SEC24C: variants seen among roughly 807,000 people sequenced by gnomAD.
The protein encoded by SEC24C is protein transport protein Sec24C.
SEC24C carries 22 observed loss-of-function variants against 117.0 expected under a neutral mutation model. The observed-to-expected ratio is 0.19, with a 90% CI of 0.13 to 0.27. SEC24C has a LOEUF of 0.27. Among genes scored for constraint, SEC24C ranks in the 10% least tolerant of loss-of-function variants. The pLI is 1.00. For synonymous variants in SEC24C, 506 were observed against 529.4 expected (o/e 0.96, Z 0.61); for missense variants, 1,155 against 1,375.1 (o/e 0.84, Z 2.53).
intron 3 of SEC24C, among the ~76,000 whole-genome samples, chr10:73,759,382 G>C (rs372585612): frequency 2.2e-4 from 34 of 152,342 alleles, no homozygotes; most frequent in African/African-American, 7.5e-4. Context: ...AATAGTACTT[G>C]ACCTGAAGGT....
chr10:73,766,400 A>G lies in SEC24C; in HGVS notation c.1658A>G (p.Asn553Ser), dbSNP rs745678671. 6.2e-7 allele frequency: 1 copy of G among 1,613,910 alleles called. No individual in the cohort carries two copies. Among genetic ancestry groups the G allele is most frequent in the Admixed American group, 1.7e-5 (1 of 59,984 alleles). ...SAIRVGFVTYNKVLHFYNVKS... is the reference protein window; with the variant it reads ...SAIRVGFVTYSKVLHFYNVKS... ...ATCCGCGTTGGCTTTGTCACCTACAATAAGGTGCTCCACTTCTATAATGTG... is the reference window on the plus strand; with the variant it reads ...ATCCGCGTTGGCTTTGTCACCTACAGTAAGGTGCTCCACTTCTATAATGTG... The change falls in exon 12 of 23, where the codon AAT (asparagine) becomes AGT (serine). Residue 553 changes from asparagine (N) to serine (S), a missense_variant. By Grantham distance (46) the Asn-to-Ser change is conservative (BLOSUM62 1). Transcript: ENST00000345254.
chr10:73,767,816 C>T (rs777998467), intron 14 of SEC24C, 21 bp from the exon 15 acceptor site: 3 of 1,573,394 alleles, frequency 1.9e-6, no homozygotes, highest in Non-Finnish European at 2.6e-6. Flanking sequence ...ATTTTCTTCT[C>T]CCCATTTTCT....
rs182419297 is a variant in SEC24C, at chr10:73,759,810, C to T, written c.481+16C>T. 179 of 1,551,802 alleles carry T rather than the reference C, an allele frequency of 1.2e-4. 1 individual carries two copies. The African/African-American group carries it at 1.8e-3, about 16-fold the overall frequency. ...CTGGGCTTTGGTGAGTGGCTGTGAA[C>T]ACAGGAATGTTACTGTCCCCTGTTC... On this transcript the variant is annotated intron_variant, in intron 4 of 22. Coordinates refer to ENST00000345254, the MANE Select transcript of SEC24C (RefSeq NM_198597.3).
In SEC24C at chr10:73,760,026, A is replaced by G. The variant is rs763599396; in HGVS notation, c.490A>G (p.Thr164Ala). The G allele has an allele frequency of 3.2e-6, 5 of 1,579,440 alleles. No individual in the cohort carries two copies. The highest frequency in any genetic ancestry group is 1.8e-5 in the Admixed American group (1 of 55,162). The stretch of plus-strand genomic sequence containing the variant: ...TTTATTCTACTTCTCAGGCCCACCA[A>G]CATCGCTGGCTTCAGCCTCAGGAAG... ...PSSGLGFGPP[T>A]SLASASGSFP... Residue 164 changes from threonine to alanine, a missense_variant, in exon 5 of 23, where the codon ACA (threonine) becomes GCA (alanine). This residue lies in a region of SEC24C where 396 missense variants were observed against 382.8 expected (regional missense o/e 1.03). Transcript: ENST00000345254.
intron 3 of SEC24C, among the ~76,000 whole-genome samples, chr10:73,757,194 A>G (rs1386678923): frequency 2.4e-4 from 35 of 144,946 alleles, no homozygotes; most frequent in Non-Finnish European, 4.6e-5. Flanking sequence ...GATTACAGGC[A>G]TGAGCCACTG....
chr10:73,752,278 C>T (rs201399489), intron 3 of SEC24C, among the ~76,000 whole-genome samples: 2 of 152,082 alleles, frequency 1.3e-5, no homozygotes, highest in East Asian at 1.9e-4. Context: ...TGCGCCACCA[C>T]ACCCAGCTAA....
intron 6 of SEC24C, among the ~76,000 whole-genome samples, chr10:73,761,799 T>A (rs956876347): frequency 3.3e-5 from 5 of 152,054 alleles, no homozygotes; most frequent in Non-Finnish European, 5.9e-5. Context: ...ACACTCCTCT[T>A]CTTCTTCCTT....
intron 3 of SEC24C, among the ~76,000 whole-genome samples, chr10:73,758,677 C>G (rs2082749578): frequency 6.6e-6 from 1 of 152,192 alleles, no homozygotes; most frequent in South Asian, 2.1e-4. Context: ...TATTTTATAA[C>G]TGACTTCTTT....
rs2082773479 is a variant in SEC24C at position 73,760,102 on chromosome 10, C to T, written c.566C>T (p.Pro189Leu). 1.2e-6 allele frequency: 2 copies of T among 1,614,094 alleles called. No individual in the cohort carries two copies. The highest frequency in any genetic ancestry group is 4.5e-5 in the East Asian group (2 of 44,892). The change falls in exon 5 of 23, where the codon CCC becomes CTC. Residue 189 changes from proline to leucine, a missense_variant. Coordinates refer to ENST00000345254, the MANE Select transcript of SEC24C (RefSeq NM_198597.3). ...YGSYPQGQAP[P>L]LSQAQGHPGI... is the part of the protein sequence containing the mutation. ...TCCTATCCTCAGGGCCAGGCTCCTC[C>T]CCTTAGCCAGGCCCAAGGTCATCCT...
intron 6 of SEC24C, among the ~76,000 whole-genome samples, chr10:73,762,638 G>C (rs1286947501): frequency 1.3e-5 from 2 of 152,242 alleles, no homozygotes; most frequent in Non-Finnish European, 2.9e-5. Context: ...GTTTGGGAAA[G>C]TGTGGGTGCT....
At position 73,767,103 on chromosome 10, in the gene SEC24C, T is replaced by C. The variant is rs765750861; in HGVS notation, c.1943T>C (p.Ile648Thr). Residue 648 changes from isoleucine (I) to threonine (T), a missense_variant, in exon 14 of 23, where the codon ATT (isoleucine) becomes ACT (threonine). Physicochemically the swap from Ile to Thr is moderately conservative, Grantham distance 89. This residue lies in a region of SEC24C where 759 missense variants were observed against 992.3 expected (regional missense o/e 0.76). Coordinates refer to ENST00000345254, the MANE Select transcript of SEC24C (RefSeq NM_198597.3). ...KLFLFHTSLPIAEAPGKLKNR... is the reference protein window; with the variant it reads ...KLFLFHTSLPTAEAPGKLKNR... ...TTTCTATTCCATACATCCCTGCCCATTGCAGAGGCCCCAGGGAAACTGAAG... is the reference window on the plus strand; with the variant it reads ...TTTCTATTCCATACATCCCTGCCCACTGCAGAGGCCCCAGGGAAACTGAAG... 2 of 1,614,068 alleles carry C rather than the reference T, an allele frequency of 1.2e-6. No individual in the cohort carries two copies. Among genetic ancestry groups the C allele is most frequent in the Non-Finnish European group, 1.7e-6 (2 of 1,179,980 alleles).
rs1307809038 is a variant in SEC24C at position 73,766,477 on chromosome 10, A to G, written c.1735A>G (p.Met579Val). 4.3e-6 allele frequency: 7 copies of G among 1,613,830 alleles called. No homozygotes were observed. The highest frequency in any genetic ancestry group is 1.3e-5 in the African/African-American group (1 of 74,920). ...GATGGTTGTGTCTGATGTGGCTGACATGTTTGTGCCACTGCTGGATGGCTT... is the reference window on the plus strand; with the variant it reads ...GATGGTTGTGTCTGATGTGGCTGACGTGTTTGTGCCACTGCTGGATGGCTT... ...QMMVVSDVAD[M>V]FVPLLDGFLV... Residue 579 changes from methionine to valine, a missense_variant, in exon 12 of 23, where the codon ATG (methionine) becomes GTG (valine). Transcript: ENST00000345254.
Position 73,770,274 on chromosome 10 carries a change from G to A in SEC24C, c.2863-6G>A. 12 of 1,596,214 alleles carry A rather than the reference G, an allele frequency of 7.5e-6. No individual in the cohort carries two copies. The highest frequency in any genetic ancestry group is 1.0e-5 in the Non-Finnish European group (12 of 1,170,498). On this transcript the variant is annotated splice_polypyrimidine_tract_variant and splice_region_variant and intron_variant, in intron 20 of 22. Transcript: ENST00000345254. ...GGTAACCTTTTGCTCCCTTCCTTTT[G>A]TCTAGACAAAGTCTCCCGTTGAGAG...
chr10:73,762,304 C>A, intron 6 of SEC24C: 1 of 499,366 alleles, frequency 2.0e-6, no homozygotes, highest in Non-Finnish European at 3.4e-6. Flanking sequence ...CTTCTAGATA[C>A]TCACTTATAC....
At chr10:73,748,486 A>C (rs2082594978) in intron 2 of SEC24C, among the ~76,000 whole-genome samples, 1 of 152,112 alleles carries the variant, frequency 6.6e-6, no homozygotes. Flanking sequence ...CCCAGGCTGG[A>C]GTGCAATGGC....
intron 6 of SEC24C, among the ~76,000 whole-genome samples, chr10:73,761,634 G>A (rs1004563251): frequency 6.6e-6 from 1 of 152,144 alleles, no homozygotes; most frequent in Non-Finnish European, 1.5e-5. Context: ...AACACAGTGA[G>A]GGAGCCTGTT....
chr10:73,761,530 C>G (rs2082796358), intron 6 of SEC24C, among the ~76,000 whole-genome samples: 1 of 152,164 alleles, frequency 6.6e-6, no homozygotes, highest in African/African-American at 2.4e-5. Flanking sequence ...CTTTATAGTT[C>G]CACCTGTAAC....
In SEC24C at chr10:73,771,427, C is replaced by A; in HGVS notation, c.*332C>A. 1 of 261,198 alleles carries A rather than the reference C, an allele frequency of 3.8e-6. No individual in the cohort carries two copies. Among genetic ancestry groups the A allele is most frequent in the Non-Finnish European group, 7.5e-6 (1 of 133,874 alleles). 16.2% of individuals were successfully genotyped at this position (261,198 alleles called of 1,614,324 possible). On this transcript the variant is annotated 3_prime_UTR_variant, in exon 23 of 23. Transcript: ENST00000345254. ...TGGCAATATTATGTGTCCCTTTGGACCAGTCTCCCAAGAGGAGAGGGGCAG... is the reference window on the plus strand; with the variant it reads ...TGGCAATATTATGTGTCCCTTTGGAACAGTCTCCCAAGAGGAGAGGGGCAG...
intron 15 of SEC24C, among the ~76,000 whole-genome samples, chr10:73,768,349 C>T (rs2082917864): frequency 6.6e-6 from 1 of 152,116 alleles, no homozygotes; most frequent in Non-Finnish European, 1.5e-5. Context: ...TGCACTCCAG[C>T]CAGAGCGACA....
Sources: gnomAD v4.1 joint callset for allele counts (sites outside exome capture counted in the v4.1 genomes callset) on GRCh38, gnomAD v4.1.1 for gene constraint, gnomAD v4.1.1 regional missense constraint, MANE v1.5 for transcripts, NCBI Gene and HGNC (gene_info 2026-07-23, HGNC 2026-07-21) for gene names.